SPOP: variants seen among roughly 807,000 people sequenced by gnomAD.
The protein encoded by SPOP is speckle type BTB/POZ protein, also known as speckle-type POZ protein.
In SPOP, 11 loss-of-function variants were observed where a neutral mutation model predicts 45.6. The observed-to-expected ratio is 0.24, with a 90% CI of 0.15 to 0.40. The LOEUF is 0.40. SPOP is among the 10% of genes least tolerant of loss of function. SPOP has a pLI of 1.00. For synonymous variants in SPOP, 166 were observed against 166.3 expected (o/e 1.00, Z 0.01); for missense variants, 152 against 465.6 (o/e 0.33, Z 6.20).
At chr17:49,647,314 A>T (rs1020896595) in intron 1 of SPOP, among the ~76,000 whole-genome samples, 2 of 69,992 alleles carry the variant, frequency 2.9e-5, no homozygotes, top group Non-Finnish European at 5.4e-5. Context: ...ATGCCGTCTT[A>T]AAAAAAAAAA....
intron 7 of SPOP, among the ~76,000 whole-genome samples, 169 bp downstream of exon 7, chr17:49,607,705 C>A (rs995702399): frequency 2.6e-5 from 4 of 152,106 alleles, no homozygotes; most frequent in Non-Finnish European, 5.9e-5. Flanking sequence ...ATCTGCTTTA[C>A]CCATAATACT....
At chr17:49,658,392 A>C (rs774795259) in intron 1 of SPOP, among the ~76,000 whole-genome samples, 1 of 152,188 alleles carries the variant, frequency 6.6e-6, no homozygotes, top group Non-Finnish European at 1.5e-5. Flanking sequence ...AAAAAATACC[A>C]TGTTGATTTT....
At chr17:49,637,460 C>T (rs888270710) in intron 1 of SPOP, among the ~76,000 whole-genome samples, 3 of 152,128 alleles carry the variant, frequency 2.0e-5, no homozygotes, top group African/African-American at 7.2e-5. Context: ...AAGCAATTCT[C>T]CTGCCTCAGC....
At chr17:49,647,394 C>T (rs1034576320) in intron 1 of SPOP, among the ~76,000 whole-genome samples, 7 of 148,974 alleles carry the variant, frequency 4.7e-5, no homozygotes, top group African/African-American at 1.7e-4. Context: ...GAGACCTCAG[C>T]AAATCATTAA....
intron 7 of SPOP, 56 bp from the exon 8 acceptor site, chr17:49,607,428 T>C (rs779371468): frequency 3.8e-6 from 6 of 1,574,804 alleles, no homozygotes; most frequent in Non-Finnish European, 5.2e-6. Context: ...ATCCCTAAAC[T>C]AAACTATTTT....
intron 1 of SPOP, among the ~76,000 whole-genome samples, chr17:49,647,247 T>G (rs1367515650): frequency 7.2e-6 from 1 of 139,296 alleles, no homozygotes; most frequent in African/African-American, 2.7e-5. Flanking sequence ...GGCAGAGAGG[T>G]TGCAGACAGC....
intron 1 of SPOP, among the ~76,000 whole-genome samples, chr17:49,675,012 A>G (rs1335503711): frequency 1.3e-5 from 2 of 152,218 alleles, no homozygotes; most frequent in Admixed American, 1.3e-4. Flanking sequence ...AAAAATTTTG[A>G]TAATAGTGTT....
At chr17:49,657,164 C>A (rs1166398050) in intron 1 of SPOP, among the ~76,000 whole-genome samples, 1 of 151,606 alleles carries the variant, frequency 6.6e-6, no homozygotes, top group African/African-American at 2.4e-5. Context: ...CCACTGCACT[C>A]CAGCCTGGGC....
intron 1 of SPOP, among the ~76,000 whole-genome samples, chr17:49,640,718 T>TG (rs1220041449): frequency 6.6e-6 from 1 of 152,216 alleles, no homozygotes; most frequent in African/African-American, 2.4e-5. Flanking sequence ...AAAAGGGTCC[T>TG]GCACAATCTG....
At chr17:49,668,915 T>C (rs1216794223) in intron 1 of SPOP, among the ~76,000 whole-genome samples, 1 of 151,890 alleles carries the variant, frequency 6.6e-6, no homozygotes, top group Non-Finnish European at 1.5e-5. Context: ...TAGCTGGGAC[T>C]ACAGGCGCCC....
intron 1 of SPOP, among the ~76,000 whole-genome samples, chr17:49,654,866 T>C (rs187006937): frequency 6.6e-6 from 1 of 152,306 alleles, no homozygotes; most frequent in African/African-American, 2.4e-5. Flanking sequence ...TAACTACTTT[T>C]CCCAAGACCA....
At position 49,599,649 on chromosome 17, in the gene SPOP, AT is replaced by A; in HGVS notation, c.*728del. 4.7e-6 allele frequency: 1 copy of A among 211,926 alleles called. No individual in the cohort carries two copies. The highest frequency in any genetic ancestry group is 9.6e-6 in the Non-Finnish European group (1 of 104,498). The allele number at this position is 211,926 out of a possible 1,614,324, so 13.1% of individuals were successfully genotyped here. A position where few individuals can be genotyped will look rare whatever the true frequency, so the allele number is the denominator to read the frequency against. On this transcript the variant is annotated 3_prime_UTR_variant, in exon 10 of 10. Transcript: ENST00000504102. Reference sequence around the variant, plus strand: ...AGACAATATGAATTCTGGATGAGTTATTTTTTCCAGTTTTCAACACCAATAA... The same window carrying A: ...AGACAATATGAATTCTGGATGAGTTATTTTTCCAGTTTTCAACACCAATAA...
chr17:49,668,833 A>G (rs1453353877), intron 1 of SPOP, among the ~76,000 whole-genome samples: 6 of 150,486 alleles, frequency 4.0e-5, no homozygotes, highest in East Asian at 2.0e-4. Flanking sequence ...CTGGAGTGCA[A>G]TGGCACGATC....
At chr17:49,655,302 G>A (rs921341841) in intron 1 of SPOP, among the ~76,000 whole-genome samples, 2 of 152,156 alleles carry the variant, frequency 1.3e-5, no homozygotes, top group African/African-American at 4.8e-5. Context: ...ACGAGGTCAG[G>A]AGATCGAGAC....
At chr17:49,606,484 GTTTCT>G (rs2071849009) in intron 8 of SPOP, among the ~76,000 whole-genome samples, 2 of 121,436 alleles carry the variant, frequency 1.6e-5, no homozygotes, top group South Asian at 5.0e-4. Flanking sequence ...GTTTTTTCTT[GTTTCT>G]TTTTTCTTTT....
chr17:49,662,846 A>T lies in SPOP; in HGVS notation c.-67+15087T>A, dbSNP rs563024985. Among the ~76,000 whole-genome samples the T allele has an allele frequency of 2.6e-5, 4 of 152,328 alleles. No individual in the cohort carries two copies. In the South Asian group the frequency reaches 8.3e-4, roughly 32 times the overall value. ...CGATCCGGTAAAATTCCATCAGGAA[A>T]CACCTGTACTTCAAGTATTGACCTT... On this transcript the variant is annotated intron_variant, in intron 1 of 9. Coordinates refer to ENST00000504102, the MANE Select transcript of SPOP (RefSeq NM_001007228.2).
intron 6 of SPOP, 148 bp downstream of exon 6, chr17:49,611,132 T>C: frequency 1.1e-6 from 1 of 879,240 alleles, no homozygotes. Context: ...GTTCTGAGCA[T>C]TGTTACCGGA....
chr17:49,644,942 C>T (rs2072727661), intron 1 of SPOP, among the ~76,000 whole-genome samples: 1 of 152,054 alleles, frequency 6.6e-6, no homozygotes, highest in Non-Finnish European at 1.5e-5. Flanking sequence ...ATAAATAAAA[C>T]TTTAGCTGAC....
chr17:49,644,826 C>CACAT (rs1031677071), intron 1 of SPOP, among the ~76,000 whole-genome samples: 2 of 152,092 alleles, frequency 1.3e-5, no homozygotes, highest in African/African-American at 2.4e-5. Context: ...CATACATACA[C>CACAT]ACATACATAC....
Sources: gnomAD v4.1 joint callset for allele counts (sites outside exome capture counted in the v4.1 genomes callset) on GRCh38, gnomAD v4.1.1 for gene constraint, MANE v1.5 for transcripts, NCBI Gene and HGNC (gene_info 2026-07-23, HGNC 2026-07-21) for gene names.